Variants in GPC6 observed in about 807,000 individuals in gnomAD.
GPC6 encodes the protein glypican 6, also known as glypican-6.
GPC6 carries 14 observed loss-of-function variants against 55.2 expected under a neutral mutation model. The ratio of observed to expected loss-of-function variants is 0.25; its 90% CI spans 0.17 to 0.40. The LOEUF (loss-of-function observed/expected upper bound fraction) is 0.40. Among genes scored for constraint, GPC6 ranks in the 10% least tolerant of loss-of-function variants. GPC6 has a pLI of 1.00. For missense variants in GPC6, 641 were observed against 708.5 expected (o/e 0.90, Z 1.08); for synonymous variants, 278 against 259.6 (o/e 1.07, Z -0.68).
chr13:93,225,598 G>C (rs1382955651), upstream of GPC6, among the ~76,000 whole-genome samples: 2 of 151,772 alleles, frequency 1.3e-5, no homozygotes, highest in African/African-American at 4.9e-5. Context: ...CATTTTTAAA[G>C]CGTTTGGAAA....
At chr13:93,816,518 C>A in intron 2 of GPC6, among the ~76,000 whole-genome samples, 1 of 149,242 alleles carries the variant, frequency 6.7e-6, no homozygotes, top group Non-Finnish European at 1.5e-5. Context: ...CTTCTGCCCT[C>A]TTTATGCTTT....
At chr13:93,493,525 A>T in intron 1 of GPC6, among the ~76,000 whole-genome samples, 1 of 117,694 alleles carries the variant, frequency 8.5e-6, no homozygotes, top group African/African-American at 3.2e-5. Flanking sequence ...TATTTCCTTC[A>T]GTTCTGCTCT....
chr13:93,480,985 G>C (rs1264403631), intron 1 of GPC6, among the ~76,000 whole-genome samples: 1 of 152,126 alleles, frequency 6.6e-6, no homozygotes, highest in African/African-American at 2.4e-5. Flanking sequence ...TCGTACGGTA[G>C]TTCCATATTT....
At chr13:93,430,046 G>A (rs970894874) in intron 1 of GPC6, among the ~76,000 whole-genome samples, 19 of 152,132 alleles carry the variant, frequency 1.2e-4, no homozygotes, top group African/African-American at 4.6e-4. Context: ...GGCAAAGGCT[G>A]CAGTCAAGAG....
intron 4 of GPC6, among the ~76,000 whole-genome samples, chr13:94,088,452 G>T (rs1246709151): frequency 6.6e-6 from 1 of 151,816 alleles, no homozygotes; most frequent in Non-Finnish European, 1.5e-5. Flanking sequence ...ATTTTGGGAG[G>T]CCAAGGCAGG....
intron 1 of GPC6, among the ~76,000 whole-genome samples, chr13:93,543,337 C>T (rs1353073942): frequency 4.6e-5 from 7 of 152,080 alleles, no homozygotes; most frequent in Admixed American, 6.5e-5. Context: ...TATTGATTTG[C>T]GTATATTGAA....
intron 5 of GPC6, among the ~76,000 whole-genome samples, chr13:94,294,943 A>G (rs947300757): frequency 2.0e-5 from 3 of 152,184 alleles, no homozygotes; most frequent in African/African-American, 2.4e-5. Context: ...ACATTCTGCA[A>G]AGAGTCTTCC....
chr13:93,361,840 G>T (rs528009684), intron 1 of GPC6, among the ~76,000 whole-genome samples: 5 of 152,236 alleles, frequency 3.3e-5, no homozygotes, highest in African/African-American at 1.2e-4. Flanking sequence ...AGTTTCTAGA[G>T]TCCCTGGGTC....
chr13:93,650,286 G>A (rs1465482451), intron 2 of GPC6, among the ~76,000 whole-genome samples: 2 of 152,068 alleles, frequency 1.3e-5, no homozygotes, highest in African/African-American at 2.4e-5. Flanking sequence ...CTAAATAATT[G>A]ACTTTCCAAA....
intron 1 of GPC6, among the ~76,000 whole-genome samples, chr13:93,350,113 T>A (rs1880579121): frequency 6.6e-6 from 1 of 152,198 alleles, no homozygotes; most frequent in Non-Finnish European, 1.5e-5. Context: ...GTATATTATA[T>A]AATCAAATCA....
At chr13:93,779,703 C>T (rs1566531078) in intron 2 of GPC6, among the ~76,000 whole-genome samples, 1 of 152,104 alleles carries the variant, frequency 6.6e-6, no homozygotes, top group African/African-American at 2.4e-5. Flanking sequence ...GTCTCTTTTT[C>T]ATATGGGCCA....
chr13:93,706,176 A>G (rs1051117332), intron 2 of GPC6, among the ~76,000 whole-genome samples: 2 of 151,900 alleles, frequency 1.3e-5, no homozygotes, highest in African/African-American at 4.8e-5. Flanking sequence ...AAATTGTAGG[A>G]AATGTAAAGC....
At chr13:94,372,940 C>T (rs868504384) in intron 6 of GPC6, among the ~76,000 whole-genome samples, 2 of 152,138 alleles carry the variant, frequency 1.3e-5, no homozygotes, top group Non-Finnish European at 2.9e-5. Context: ...GGAGGCACCC[C>T]CCAGCAGGAG....
chr13:94,271,589 A>G (rs1160029540), intron 4 of GPC6, among the ~76,000 whole-genome samples: 1 of 152,150 alleles, frequency 6.6e-6, no homozygotes, highest in Admixed American at 6.5e-5. Context: ...CAACCATTAA[A>G]GAGGATAATA....
At position 94,006,674 on chromosome 13, in the gene GPC6, A is replaced by C. The variant is rs1392847483; in HGVS notation, c.712-21055A>C. 1.2e-4 allele frequency among the ~76,000 whole-genome samples: 18 copies of C among 152,150 alleles called. 1 individual carries two copies. The highest frequency in any genetic ancestry group is 9.8e-4 in the Admixed American group (15 of 15,266). On this transcript the variant is annotated intron_variant, in intron 3 of 8. Coordinates refer to ENST00000377047, the MANE Select transcript of GPC6 (RefSeq NM_005708.5). ...CTGGTGCTGACATTGAAATGGGTCA[A>C]ACCACCTAGTTTTATTTTCTAGGCG...
chr13:93,655,003 A>T (rs1413495872), intron 2 of GPC6, among the ~76,000 whole-genome samples: 1 of 104,756 alleles, frequency 9.5e-6, no homozygotes, highest in African/African-American at 3.7e-5. Flanking sequence ...TGCCCGGCTA[A>T]TTTTTTTTTT....
At chr13:93,250,133 G>C (rs1450608153) in intron 1 of GPC6, among the ~76,000 whole-genome samples, 2 of 152,142 alleles carry the variant, frequency 1.3e-5, no homozygotes, top group Non-Finnish European at 2.9e-5. Context: ...GTAAACAGGG[G>C]TAATAGCAAT....
chr13:93,466,312 C>T (rs1878903303), intron 1 of GPC6, among the ~76,000 whole-genome samples: 1 of 152,110 alleles, frequency 6.6e-6, no homozygotes, highest in Non-Finnish European at 1.5e-5. Context: ...TTGATTCACT[C>T]ATTTGTTTTC....
intron 3 of GPC6, among the ~76,000 whole-genome samples, chr13:93,853,915 A>G (rs1417192169): frequency 6.6e-6 from 1 of 151,756 alleles, no homozygotes; most frequent in Non-Finnish European, 1.5e-5. Context: ...ACATGTTCAC[A>G]GGGACAAGAT....
Sources: allele counts gnomAD v4.1 joint callset (sites outside exome capture counted in the v4.1 genomes callset), GRCh38; gene constraint gnomAD v4.1.1; transcripts MANE v1.5; gene names NCBI Gene and HGNC (gene_info 2026-07-23, HGNC 2026-07-21).